The following PCDH15 variants were observed in gnomAD, a reference collection of about 807,000 sequenced individuals.
PCDH15 encodes protocadherin related 15, also known as protocadherin-15.
In PCDH15, 129 loss-of-function variants were observed where a neutral mutation model predicts 178.5. The observed-to-expected ratio is 0.72, with a 90% CI of 0.63 to 0.84. The LOEUF is 0.84. Ranked by LOEUF, PCDH15 falls within the 40% of genes least tolerant of loss-of-function variation. PCDH15 has a pLI of 0.00. For missense variants in PCDH15, 2,230 were observed against 2,099.9 expected, an observed-to-expected ratio of 1.06 and a Z score of -1.21; for synonymous variants, 800 against 732.0, an observed-to-expected ratio of 1.09 and a Z score of -1.50.
chr10:54,811,644 G>C (rs1444989595), intron 3 of PCDH15, among the ~76,000 whole-genome samples: 1 of 151,924 alleles, frequency 6.6e-6, no homozygotes, highest in Admixed American at 6.6e-5. Flanking sequence ...CAATTTTTTT[G>C]TATTTTAGTA....
chr10:55,531,464 T>C (rs1172793125), intron 2 of PCDH15, among the ~76,000 whole-genome samples: 1 of 152,022 alleles, frequency 6.6e-6, no homozygotes, highest in Non-Finnish European at 1.5e-5. Context: ...GTGAATACCA[T>C]CTTGAAAAAT....
chr10:55,078,975 C>T (rs1841975241), intron 2 of PCDH15, among the ~76,000 whole-genome samples: 1 of 151,968 alleles, frequency 6.6e-6, no homozygotes, highest in African/African-American at 2.4e-5. Context: ...GATTTCTTTC[C>T]TTTTATAATT....
At chr10:55,615,934 G>A (rs1484466439) in intron 2 of PCDH15, among the ~76,000 whole-genome samples, 1 of 152,046 alleles carries the variant, frequency 6.6e-6, no homozygotes, top group African/African-American at 2.4e-5. Context: ...GCACAAAAAT[G>A]TATAAAGATG....
At chr10:54,419,327 A>G (rs1045370520) in intron 3 of PCDH15, among the ~76,000 whole-genome samples, 4 of 151,824 alleles carry the variant, frequency 2.6e-5, no homozygotes, top group African/African-American at 9.7e-5. Context: ...TTTGTCCAAC[A>G]AACAAATTTA....
In PCDH15 at chr10:54,938,276, G is replaced by A. The variant is rs558043258; in HGVS notation, c.-79-40776C>T. Among the ~76,000 whole-genome samples the A allele has an allele frequency of 3.4e-5, 5 of 145,394 alleles. 1 individual carries two copies. Among genetic ancestry groups the A allele is most frequent in the South Asian group, 4.4e-4 (2 of 4,570 alleles). ...TATTACTTTATAGTTTTACTTACTC[G>A]TAATATTTCGGTTTAGCATAGTGTA... On this transcript the variant is annotated intron_variant, in intron 2 of 5. Coordinates refer to the PCDH15 transcript ENST00000458638.
intron 25 of PCDH15, among the ~76,000 whole-genome samples, chr10:53,929,348 T>C (rs1459205110): frequency 6.6e-6 from 1 of 152,156 alleles, no homozygotes; most frequent in African/African-American, 2.4e-5. Flanking sequence ...TATATTTATA[T>C]AAGATGCCTA....
chr10:54,474,219 T>C (rs2078114965), intron 3 of PCDH15, among the ~76,000 whole-genome samples: 1 of 151,946 alleles, frequency 6.6e-6, no homozygotes, highest in South Asian at 2.1e-4. Context: ...GAAGAAATTT[T>C]AGCAATAAAA....
chr10:54,283,004 C>A (rs1010482823), intron 8 of PCDH15, among the ~76,000 whole-genome samples: 3 of 151,770 alleles, frequency 2.0e-5, no homozygotes, highest in Non-Finnish European at 4.4e-5. Context: ...AAAAAGTAGA[C>A]CTTACTATGA....
intron 3 of PCDH15, among the ~76,000 whole-genome samples, chr10:54,410,353 G>A (rs10825324): frequency 0.39 from 58,833 of 151,908 alleles, 12,647 homozygotes; most frequent in Non-Finnish European, 0.49. Context: ...TAAAGAACAA[G>A]TCAGGCTGCA....
intron 10 of PCDH15, among the ~76,000 whole-genome samples, chr10:54,210,417 G>A (rs10825274): frequency 0.4 from 60,239 of 151,862 alleles, 16,064 homozygotes; most frequent in East Asian, 0.85. Flanking sequence ...ATGGGATGCA[G>A]TGTAAATAAA....
intron 2 of PCDH15, among the ~76,000 whole-genome samples, chr10:54,536,821 A>G (rs180832876): frequency 0.01 from 1,552 of 152,198 alleles, 20 homozygotes; most frequent in Non-Finnish European, 0.011. Context: ...TGCAAACAAC[A>G]TGATTTCATT....
chr10:55,480,682 T>A (rs755539562), intron 2 of PCDH15, among the ~76,000 whole-genome samples: 5 of 151,770 alleles, frequency 3.3e-5, no homozygotes, highest in Non-Finnish European at 5.9e-5. Context: ...GGATGAAGCC[T>A]ATTTAATCAT....
chr10:55,078,559 C>T (rs1164491743), intron 2 of PCDH15, among the ~76,000 whole-genome samples: 3 of 151,924 alleles, frequency 2.0e-5, no homozygotes, highest in Non-Finnish European at 4.4e-5. Context: ...GAATACCTGT[C>T]TTCAAGTTCT....
chr10:55,092,656 A>G (rs1462156006), intron 2 of PCDH15, among the ~76,000 whole-genome samples: 1 of 151,952 alleles, frequency 6.6e-6, no homozygotes, highest in African/African-American at 2.4e-5. Flanking sequence ...CAAATTAATG[A>G]CAAACAGACT....
intron 3 of PCDH15, among the ~76,000 whole-genome samples, chr10:54,836,112 TA>T (rs1219035891): frequency 4.6e-5 from 7 of 152,236 alleles, no homozygotes; most frequent in South Asian, 2.1e-4. Flanking sequence ...TATAATAAGT[TA>T]AAAAACATTT....
At chr10:54,052,890 T>C (rs1056084112) in intron 18 of PCDH15, among the ~76,000 whole-genome samples, 6 of 152,136 alleles carry the variant, frequency 3.9e-5, no homozygotes, top group African/African-American at 1.4e-4. Flanking sequence ...TGATACTACG[T>C]TTTCACAAGA....
chr10:53,901,428 C>T lies in PCDH15; in HGVS notation c.3501+1815G>A, dbSNP rs1282985826. 2.0e-5 allele frequency among the ~76,000 whole-genome samples: 3 copies of T among 152,134 alleles called. No individual in the cohort carries two copies. In the East Asian group the frequency reaches 5.8e-4, roughly 29 times the overall value. ...AAATCCTATATGTTCTATCCTTTAA[C>T]CCCCTTCTCAAGGTCTCCATAGCCT... On this transcript the variant is annotated intron_variant, in intron 26 of 37. Coordinates refer to ENST00000644397, the MANE Select transcript of PCDH15 (RefSeq NM_001384140.1).
chr10:54,703,830 C>T (rs575034134), intron 1 of PCDH15, among the ~76,000 whole-genome samples: 1 of 152,156 alleles, frequency 6.6e-6, no homozygotes, highest in Non-Finnish European at 1.5e-5. Flanking sequence ...AAGCTGGAGG[C>T]ATCACATTAC....
intron 3 of PCDH15, among the ~76,000 whole-genome samples, chr10:54,427,816 T>A (rs1192805708): frequency 1.3e-5 from 2 of 152,084 alleles, no homozygotes; most frequent in Non-Finnish European, 2.9e-5. Flanking sequence ...AGAGGGAAAG[T>A]TATTCAAATA....
Sources: gnomAD v4.1 joint callset for allele counts (sites outside exome capture counted in the v4.1 genomes callset) on GRCh38, gnomAD v4.1.1 for gene constraint, MANE v1.5 for transcripts, NCBI Gene and HGNC (gene_info 2026-07-23, HGNC 2026-07-21) for gene names.